Variants in SMC6 observed in about 807,000 individuals in gnomAD.
SMC6 encodes structural maintenance of chromosomes protein 6.
SMC6 carries 79 observed loss-of-function variants against 142.2 expected under a neutral mutation model. The ratio of observed to expected loss-of-function variants is 0.56; its 90% CI spans 0.46 to 0.67. The LOEUF is 0.67. Ranked by LOEUF, SMC6 falls within the 30% of genes least tolerant of loss-of-function variation. The pLI, the probability that SMC6 is intolerant of heterozygous loss-of-function variation, is 0.00. For missense variants in SMC6, 1,072 were observed against 1,284.0 expected (o/e 0.83, Z 2.52); for synonymous variants, 411 against 412.4 (o/e 1.00, Z 0.04).
chr2:17,732,219 T>A, intron 5 of SMC6, among the ~76,000 whole-genome samples: 1 of 152,208 alleles, frequency 6.6e-6, no homozygotes, highest in East Asian at 1.9e-4. Flanking sequence ...AATCATGTAA[T>A]CAAAATTATA....
chr2:17,753,001 C>A lies in SMC6; in HGVS notation c.-29G>T. ...ACCTCAAACCCTATTGGTTCTACAA[C>A]CTTTCTCTACCCTAGAGTCCTGTTT... On this transcript the variant is annotated 5_prime_UTR_variant, in exon 2 of 28. Transcript: ENST00000448223. 1 of 984,808 alleles carries A rather than the reference C, an allele frequency of 1.0e-6. No homozygotes were observed. Among genetic ancestry groups the A allele is most frequent in the Non-Finnish European group, 1.2e-6 (1 of 829,372 alleles). 61.0% of individuals were successfully genotyped at this position (984,808 alleles called of 1,614,324 possible).
chr2:17,725,497 A>C (rs985446872), intron 8 of SMC6, 139 bp from the exon 9 acceptor site: 1 of 567,106 alleles, frequency 1.8e-6, no homozygotes, highest in Non-Finnish European at 3.0e-6. Context: ...AAGCAATCAC[A>C]CAAACACAAA....
At chr2:17,666,576 C>A in intron 26 of SMC6, 59 bp from the exon 27 acceptor site, 1 of 1,316,896 alleles carries the variant, frequency 7.6e-7, no homozygotes, top group Admixed American at 1.8e-5. Flanking sequence ...TCTGTAAAAG[C>A]AGCATTCTGT....
In SMC6 at chr2:17,707,355, T is replaced by C; in HGVS notation, c.1870A>G (p.Met624Val). 1.9e-6 allele frequency: 3 copies of C among 1,576,038 alleles called. No individual in the cohort carries two copies. Among genetic ancestry groups the C allele is most frequent in the Non-Finnish European group, 2.6e-6 (3 of 1,164,310 alleles). ...IKNNSVARAVMQSQKPPKNCR... is the reference protein window; with the variant it reads ...IKNNSVARAVVQSQKPPKNCR... Reference sequence around the variant, plus strand: ...TTTTTGGGTGGCTTTTGGGACTGCATTACTGCACGAGCTACAGAATTATTC... The same window carrying C: ...TTTTTGGGTGGCTTTTGGGACTGCACTACTGCACGAGCTACAGAATTATTC... Residue 624 changes from methionine to valine, a missense_variant, in exon 18 of 28, where the codon ATG becomes GTG. Physicochemically the swap from Met to Val is conservative, Grantham distance 21. Transcript: ENST00000448223.
chr2:17,700,888 G>A lies in SMC6; in HGVS notation c.2224-510C>T, dbSNP rs150346068. ...CTTTACTAAATAAAAAATTAGCCGG[G>A]TGTGGTGGTACATGCCTGTGTAATC... On this transcript the variant is annotated intron_variant, in intron 20 of 27. Transcript: ENST00000448223. Among the ~76,000 whole-genome samples, 337 of 151,996 alleles carry A rather than the reference G, an allele frequency of 2.2e-3. 1 individual carries two copies. The highest frequency in any genetic ancestry group is 3.4e-3 in the Middle Eastern group (1 of 294).
Position 17,696,365 on chromosome 2 carries a change from T to C in SMC6, c.2456A>G (p.Glu819Gly). 1.2e-6 allele frequency: 2 copies of C among 1,612,038 alleles called. No homozygotes were observed. The highest frequency in any genetic ancestry group is 1.7e-6 in the Non-Finnish European group (2 of 1,179,578). Residue 819 changes from glutamate to glycine, a missense_variant, in exon 22 of 28, where the codon GAA (glutamate) becomes GGA (glycine). By Grantham distance (98) the Glu-to-Gly change is moderately conservative. Around this residue, in one of 3 missense-constraint regions of SMC6, gnomAD observed 994 missense variants for 1,153.2 expected, o/e 0.86. Transcript: ENST00000448223. ...DNQKRGKRHY[E>G]EKQKEHLDTL... ...ATCCAAGTGTTCTTTTTGTTTTTCT[T>C]CATAATGTCGTTTCCCTCGTTTTTG...
intron 7 of SMC6, among the ~76,000 whole-genome samples, chr2:17,729,378 A>G (rs558960020): frequency 6.6e-6 from 1 of 152,350 alleles, no homozygotes; most frequent in South Asian, 2.1e-4. Flanking sequence ...ATATTTCAAC[A>G]GAGAATAACA....
intron 4 of SMC6, among the ~76,000 whole-genome samples, chr2:17,740,358 T>C (rs1009387265): frequency 2.0e-5 from 3 of 152,184 alleles, no homozygotes; most frequent in Non-Finnish European, 4.4e-5. Flanking sequence ...TATTCTAGCA[T>C]TGTCACCAGT....
intron 20 of SMC6, among the ~76,000 whole-genome samples, chr2:17,701,425 A>G (rs993348874): frequency 6.6e-6 from 1 of 151,798 alleles, no homozygotes; most frequent in African/African-American, 2.4e-5. Flanking sequence ...AAAAGAAAAA[A>G]AACAAGACAC....
intron 15 of SMC6, among the ~76,000 whole-genome samples, chr2:17,715,268 G>C (rs1669027005): frequency 6.6e-6 from 1 of 151,820 alleles, no homozygotes; most frequent in African/African-American, 2.4e-5. Context: ...TAACTGAATG[G>C]GAAATCCCCT....
intron 3 of SMC6, among the ~76,000 whole-genome samples, chr2:17,743,137 T>C (rs1188851132): frequency 1.3e-5 from 2 of 152,242 alleles, no homozygotes; most frequent in African/African-American, 4.8e-5. Context: ...GGTATGGATG[T>C]ACCAAGGTAT....
chr2:17,665,247 GT>G lies in SMC6; in HGVS notation c.*251del, dbSNP rs1317015250. The G allele has an allele frequency of 7.8e-6, 2 of 256,488 alleles. No individual in the cohort carries two copies. Among genetic ancestry groups the G allele is most frequent in the Non-Finnish European group, 1.5e-5 (2 of 137,716 alleles). 15.9% of individuals were successfully genotyped at this position (256,488 alleles called of 1,614,324 possible). ...GAAAAAGAACCTATAAAAATAGATC[GT>G]ATTAAAAAAACTTAAAAAGATTTAA... On this transcript the variant is annotated 3_prime_UTR_variant, in exon 28 of 28. Coordinates refer to ENST00000448223, the MANE Select transcript of SMC6 (RefSeq NM_001142286.2).
At chr2:17,717,302 T>C (rs1230620596) in intron 12 of SMC6, 126 bp from the exon 13 acceptor site, 1 of 586,012 alleles carries the variant, frequency 1.7e-6, no homozygotes, top group Non-Finnish European at 2.8e-6. Context: ...AAGCACAAAA[T>C]GGCCATTTGA....
chr2:17,729,591 C>T (rs1340568244), intron 7 of SMC6, among the ~76,000 whole-genome samples: 2 of 152,192 alleles, frequency 1.3e-5, no homozygotes, highest in African/African-American at 4.8e-5. Flanking sequence ...ATACAGAGTA[C>T]TTATACAGTA....
rs114954344 is a variant in SMC6 at position 17,682,427 on chromosome 2, C to G, written c.2804+1211G>C. 7.1e-3 allele frequency among the ~76,000 whole-genome samples: 1,082 copies of G among 152,240 alleles called. 9 individuals carry two copies. The highest frequency in any genetic ancestry group is 0.025 in the African/African-American group (1,023 of 41,548). On this transcript the variant is annotated intron_variant, in intron 24 of 27. Transcript: ENST00000448223. ...TAGAAATCAAAGTGGAGCTGTTGCT[C>G]TTGTTTCAGGAGCTGGAGCTGGGAA... is the stretch of plus-strand genomic sequence containing the variant.
chr2:17,714,920 G>T lies in SMC6; in HGVS notation c.1671C>A (p.Thr557=), dbSNP rs779970582. ...ALMKRFYLPG[T]SRPPIIVSEF... ...CAGAAACTATTATCGGTGGCCGTGA[G>T]GTCCCTGGTAAATAAAACCTTTTCA... Residue 557 remains threonine (T), a synonymous_variant, in exon 16 of 28, where the codon ACC becomes ACA. Transcript: ENST00000448223. 9.3e-6 allele frequency: 15 copies of T among 1,613,506 alleles called. No individual in the cohort carries two copies. In the Admixed American group the frequency reaches 2.5e-4, roughly 27 times the overall value.
chr2:17,723,259 C>T (rs1669461664), intron 9 of SMC6, among the ~76,000 whole-genome samples: 1 of 152,138 alleles, frequency 6.6e-6, no homozygotes, highest in Non-Finnish European at 1.5e-5. Flanking sequence ...ATAATGCCTT[C>T]TTAATCAATC....
At chr2:17,752,925 G>T in intron 2 of SMC6, 53 bp downstream of exon 2, 1 of 698,250 alleles carries the variant, frequency 1.4e-6, no homozygotes, top group Non-Finnish European at 1.8e-6. Context: ...CAAAACTTCT[G>T]TCTTGAGGGC....
intron 9 of SMC6, among the ~76,000 whole-genome samples, chr2:17,722,755 T>C (rs111434650): frequency 1.7e-4 from 26 of 152,316 alleles, no homozygotes; most frequent in African/African-American, 6.3e-4. Context: ...TGGCTTCTCA[T>C]GGCTTCTATG....
Sources: allele counts gnomAD v4.1 joint callset (sites outside exome capture counted in the v4.1 genomes callset), GRCh38; gene constraint gnomAD v4.1.1; regional missense constraint gnomAD v4.1.1; transcripts MANE v1.5; gene names NCBI Gene and HGNC (gene_info 2026-07-23, HGNC 2026-07-21).